Variants in UBR3 observed in about 807,000 individuals in gnomAD.
UBR3 encodes ubiquitin protein ligase E3 component n-recognin 3.
In UBR3, 85 loss-of-function variants were observed where a neutral mutation model predicts 243.2. The observed-to-expected ratio is 0.35, with a 90% confidence interval of 0.29 to 0.42. UBR3 has a LOEUF of 0.42. Among genes scored for constraint, UBR3 ranks in the 10% least tolerant of loss-of-function variants. The pLI is 1.00. For missense variants in UBR3, 1,686 were observed against 2,300.8 expected, an observed-to-expected ratio of 0.73 and a Z score of 5.47; for synonymous variants, 748 against 799.8, an observed-to-expected ratio of 0.94 and a Z score of 1.09.
chr2:169,866,697 A>G (rs1478122159), intron 1 of UBR3, among the ~76,000 whole-genome samples: 1 of 152,184 alleles, frequency 6.6e-6, no homozygotes, highest in Non-Finnish European at 1.5e-5. Flanking sequence ...TTTCTTTTAA[A>G]TCAAGGTTTA....
chr2:169,878,361 CAA>C (rs34505529), intron 4 of UBR3, among the ~76,000 whole-genome samples, 162 bp from the exon 5 acceptor site: 7 of 118,616 alleles, frequency 5.9e-5, no homozygotes, highest in Admixed American at 8.4e-5. Flanking sequence ...AATCCCGTCT[CAA>C]AAAAAAAAAA....
chr2:170,008,184 A>G (rs1015194070), intron 28 of UBR3, among the ~76,000 whole-genome samples: 60 of 152,318 alleles, frequency 3.9e-4, no homozygotes, highest in African/African-American at 1.4e-3. Flanking sequence ...TTCATAAAAA[A>G]AAATTTCACC....
chr2:169,932,814 T>G, intron 18 of UBR3, 98 bp from the exon 19 acceptor site: 1 of 1,016,544 alleles, frequency 9.8e-7, no homozygotes, highest in South Asian at 1.6e-5. Context: ...AATTGTTCTG[T>G]GTTTTAAATG....
chr2:169,925,041 C>CA lies in UBR3; in HGVS notation c.2023-570dup, dbSNP rs1487498304. Among the ~76,000 whole-genome samples the CA allele has an allele frequency of 4.6e-5, 7 of 151,464 alleles. No homozygotes were observed. The South Asian group carries it at 1.2e-3, about 27-fold the overall frequency. ...GAGTGAGATTCTGTTTCAAAAAAAA[C>CA]AAAAAAAATGATGACTGCCTAGTTT... On this transcript the variant is annotated intron_variant, in intron 13 of 38. Transcript: ENST00000272793.
At position 169,947,607 on chromosome 2, in the gene UBR3, C is replaced by T. The variant is rs2086836040; in HGVS notation, c.2976C>T (p.Asn992=). 1.3e-6 allele frequency: 2 copies of T among 1,532,704 alleles called. No homozygotes were observed. Among genetic ancestry groups the T allele is most frequent in the South Asian group, 2.5e-5 (2 of 80,426 alleles). 94.9% of individuals were successfully genotyped at this position (1,532,704 alleles called of 1,614,324 possible). The change falls in exon 22 of 39, where the codon AAC becomes AAT. Residue 992 remains asparagine (N), a synonymous_variant. Transcript: ENST00000272793. ...SWFPGSNLVS[N]MRHFINYVRV... is the part of the protein sequence containing the mutation. ...TTCCTGGCAGTAACTTAGTGTCAAA[C>T]ATGCGACACTTTATAAACTATGTTA...
At chr2:169,915,524 C>T (rs1256947392) in intron 11 of UBR3, among the ~76,000 whole-genome samples, 2 of 152,206 alleles carry the variant, frequency 1.3e-5, no homozygotes, top group African/African-American at 4.8e-5. Flanking sequence ...GTGTGAGCCA[C>T]TGCTCCTGGC....
At chr2:170,055,376 C>A (rs1195464336) in intron 32 of UBR3, 84 bp from the exon 33 acceptor site, 1 of 1,480,696 alleles carries the variant, frequency 6.8e-7, no homozygotes, top group Non-Finnish European at 9.1e-7. Context: ...ATTACATATG[C>A]AAGGAAAGGC....
intron 32 of UBR3, among the ~76,000 whole-genome samples, chr2:170,045,658 CTATT>C (rs765990544): frequency 3.3e-5 from 5 of 152,242 alleles, no homozygotes; most frequent in Middle Eastern, 3.4e-3. Flanking sequence ...GCTTAAAAAA[CTATT>C]TATTTACAAG....
chr2:169,916,242 C>T lies in UBR3; in HGVS notation c.1866+2096C>T, dbSNP rs141779885. 8.5e-3 allele frequency among the ~76,000 whole-genome samples: 1,288 copies of T among 152,186 alleles called. 23 individuals are homozygous for T. Among genetic ancestry groups the T allele is most frequent in the African/African-American group, 0.029 (1,202 of 41,518 alleles). ...ACTGATATTTTTAATTCCAGTTTAA[C>T]ACTGTAGGAGTTATTCTAGTTTTCT... On this transcript the variant is annotated intron_variant, in intron 11 of 38. Coordinates refer to ENST00000272793, the MANE Select transcript of UBR3 (RefSeq NM_172070.4).
chr2:170,044,737 A>G (rs1226435246), intron 32 of UBR3, among the ~76,000 whole-genome samples: 1 of 152,156 alleles, frequency 6.6e-6, no homozygotes, highest in East Asian at 1.9e-4. Flanking sequence ...GGACACTTCT[A>G]CTTCACAGCA....
intron 27 of UBR3, among the ~76,000 whole-genome samples, chr2:170,001,675 C>T (rs2089702087): frequency 6.6e-6 from 1 of 152,024 alleles, no homozygotes; most frequent in Non-Finnish European, 1.5e-5. Flanking sequence ...ATGGGCAGAT[C>T]ACTTGAGGTC....
rs76364429 is a variant in UBR3, at chr2:169,933,000, T to C, written c.2655T>C (p.Tyr885=). The C allele has an allele frequency of 2.1e-4, 323 of 1,517,168 alleles. 1 individual carries two copies. In the East Asian group the frequency reaches 6.0e-3, roughly 28 times the overall value. 94.0% of individuals were successfully genotyped at this position (1,517,168 alleles called of 1,614,324 possible). ...ATGTGCAGTCTGCAATGGACAGATA[T>C]ACTGCATTGTAAGTCCATCAAATTG... is the stretch of plus-strand genomic sequence containing the variant. ...RRDVQSAMDR[Y]TAFLKQSGKF... Residue 885 remains tyrosine (Y), a synonymous_variant, in exon 19 of 39, where the codon TAT becomes TAC. Transcript: ENST00000272793.
chr2:169,836,636 TAAAA>T, intron 1 of UBR3, among the ~76,000 whole-genome samples: 1 of 141,972 alleles, frequency 7.0e-6, no homozygotes. Context: ...ATTCAGAACT[TAAAA>T]AAAAAAAAAC....
At chr2:169,887,830 G>T (rs1470629597) in intron 5 of UBR3, among the ~76,000 whole-genome samples, 1 of 149,924 alleles carries the variant, frequency 6.7e-6, no homozygotes, top group African/African-American at 2.4e-5. Context: ...AGGCTGGAGT[G>T]CAATGGCACG....
intron 30 of UBR3, among the ~76,000 whole-genome samples, chr2:170,028,689 GT>G (rs72533605): frequency 1.8e-4 from 27 of 146,188 alleles, no homozygotes; most frequent in African/African-American, 5.0e-4. Context: ...AATACTTAGG[GT>G]TTTTTTTTTT....
Position 169,905,104 on chromosome 2 carries a change from C to CT in UBR3, c.1466-3dup, listed in dbSNP as rs780883506. 8.3e-6 allele frequency: 12 copies of CT among 1,445,240 alleles called. No individual in the cohort carries two copies. The highest frequency in any genetic ancestry group is 2.9e-5 in the Admixed American group (1 of 34,538). The allele number at this position is 1,445,240 out of a possible 1,614,324, so 89.5% of individuals were successfully genotyped here. On this transcript the variant is annotated splice_polypyrimidine_tract_variant and intron_variant, in intron 8 of 38. Transcript: ENST00000272793. Reference sequence around the variant, plus strand: ...TATGAAATTTTTGGGTTGTGTGTGTCTTTTTTTAGATGAAGAAAATAGTTT... The same window carrying CT: ...TATGAAATTTTTGGGTTGTGTGTGTCTTTTTTTTAGATGAAGAAAATAGTTT...
At chr2:169,981,901 T>C (rs995030335) in intron 24 of UBR3, among the ~76,000 whole-genome samples, 8 of 152,110 alleles carry the variant, frequency 5.3e-5, no homozygotes, top group Non-Finnish European at 1.0e-4. Context: ...GATGACTAAT[T>C]GAAGATAATA....
chr2:169,849,766 T>G (rs2082597993), intron 1 of UBR3, among the ~76,000 whole-genome samples: 1 of 152,226 alleles, frequency 6.6e-6, no homozygotes, highest in Non-Finnish European at 1.5e-5. Flanking sequence ...AAGTAACTTT[T>G]TATTCCAAAG....
intron 20 of UBR3, among the ~76,000 whole-genome samples, chr2:169,944,510 A>T (rs1298206135): frequency 1.3e-5 from 2 of 152,148 alleles, no homozygotes; most frequent in Non-Finnish European, 2.9e-5. Flanking sequence ...TTATAAATGA[A>T]TTTTTCTCAA....
Sources: allele counts gnomAD v4.1 joint callset (sites outside exome capture counted in the v4.1 genomes callset), GRCh38; gene constraint gnomAD v4.1.1; transcripts MANE v1.5; gene names NCBI Gene and HGNC (gene_info 2026-07-23, HGNC 2026-07-21).